NCOA2: variants seen among roughly 807,000 people sequenced by gnomAD.
The protein encoded by NCOA2 is class E basic helix-loop-helix protein 75.
Under a neutral mutation model 145.1 loss-of-function variants are expected in NCOA2, and 21 were observed. The ratio of observed to expected loss-of-function variants is 0.14; its 90% CI spans 0.10 to 0.21. The LOEUF (loss-of-function observed/expected upper bound fraction) is 0.21, where lower values mean the gene tolerates loss of function less well. Ranked by LOEUF, NCOA2 falls within the 10% of genes least tolerant of loss-of-function variation. NCOA2 has a pLI of 1.00. For synonymous variants in NCOA2, 619 were observed against 637.5 expected, an observed-to-expected ratio of 0.97 and a Z score of 0.44; for missense variants, 1,472 against 1,837.6, an observed-to-expected ratio of 0.80 and a Z score of 3.64.
intron 1 of NCOA2, among the ~76,000 whole-genome samples, chr8:70,335,357 C>G (rs1807495772): frequency 1.3e-5 from 2 of 151,664 alleles, no homozygotes; most frequent in South Asian, 4.2e-4. Context: ...GCTGGTTTGT[C>G]TTTTTGTCTT....
chr8:70,423,772 G>A, the NCOA2 span, among the ~76,000 whole-genome samples: 1 of 152,110 alleles, frequency 6.6e-6, no homozygotes, highest in African/African-American at 2.4e-5. Context: ...ACAAAAGTGG[G>A]GTACCAGGGT....
chr8:70,156,647 G>C lies in NCOA2; in HGVS notation c.1718C>G (p.Pro573Arg), dbSNP rs777620838. Residue 573 changes from proline (P) to arginine (R), a missense_variant, in exon 11 of 23, where the codon CCA becomes CGA. Transcript: ENST00000452400. ...GTCCAAGCTTCCCATCTTGCTGAGT[G>C]GGGGAGGATTCATATTAACTGGGGA... The part of the protein sequence containing the change: ...QNSPVNMNPP[P>R]LSKMGSLDSK... The C allele has an allele frequency of 9.9e-6, 16 of 1,613,832 alleles. No individual in the cohort carries two copies. The highest frequency in any genetic ancestry group is 1.4e-5 in the Non-Finnish European group (16 of 1,179,898).
chr8:70,451,957 GTGT>G, the NCOA2 span, among the ~76,000 whole-genome samples: 1 of 151,196 alleles, frequency 6.6e-6, no homozygotes, highest in Non-Finnish European at 1.5e-5. Context: ...GGCATTTAAG[GTGT>G]TTGTTTGTTT....
chr8:70,390,096 C>T (rs990422838), intron 1 of NCOA2, among the ~76,000 whole-genome samples: 1 of 152,190 alleles, frequency 6.6e-6, no homozygotes, highest in African/African-American at 2.4e-5. Flanking sequence ...ACTTTTCTTT[C>T]CATTCTTTTT....
the NCOA2 span, among the ~76,000 whole-genome samples, chr8:70,450,268 T>C: frequency 6.6e-6 from 1 of 152,154 alleles, no homozygotes; most frequent in South Asian, 2.1e-4. Flanking sequence ...TATCAGAAGG[T>C]GGGGCATGTG....
chr8:70,402,953 C>A (rs1337891186), intron 1 of NCOA2, among the ~76,000 whole-genome samples: 1 of 144,814 alleles, frequency 6.9e-6, no homozygotes, highest in Non-Finnish European at 1.5e-5. Flanking sequence ...AGCTCCTTCC[C>A]GTCCGCCCGC....
In NCOA2 at chr8:70,174,744, A is replaced by C; in HGVS notation, c.363+12T>G. On this transcript the variant is annotated intron_variant, in intron 5 of 22. Coordinates refer to ENST00000452400, the MANE Select transcript of NCOA2 (RefSeq NM_006540.4). ...GATTTTAAAATACAGCACTAAAATG[A>C]AGATGTGCTACCTCAAGCATCATAG... The C allele has an allele frequency of 6.2e-7, 1 of 1,603,814 alleles. No individual in the cohort carries two copies. The highest frequency in any genetic ancestry group is 1.1e-5 in the South Asian group (1 of 90,890).
intron 4 of NCOA2, among the ~76,000 whole-genome samples, chr8:70,179,172 A>AT (rs1242926831): frequency 6.6e-6 from 1 of 152,160 alleles, no homozygotes; most frequent in Non-Finnish European, 1.5e-5. Flanking sequence ...AAACATATGT[A>AT]TTTTCTAGCT....
chr8:70,278,349 T>C (rs528902510), intron 2 of NCOA2, among the ~76,000 whole-genome samples: 1 of 152,334 alleles, frequency 6.6e-6, no homozygotes, highest in East Asian at 1.9e-4. Context: ...GGGACTATTA[T>C]GACTAATGCT....
intron 21 of NCOA2, among the ~76,000 whole-genome samples, chr8:70,122,245 A>C (rs1807905767): frequency 1.3e-5 from 2 of 152,112 alleles, no homozygotes; most frequent in Non-Finnish European, 1.5e-5. Context: ...ATATCTCTCT[A>C]TAAACACACG....
At chr8:70,403,288 G>C (rs1278025608) in intron 1 of NCOA2, among the ~76,000 whole-genome samples, 2 of 151,066 alleles carry the variant, frequency 1.3e-5, no homozygotes, top group African/African-American at 4.8e-5. Context: ...CTCGCTCCTC[G>C]GGGCGGGGGC....
intron 2 of NCOA2, among the ~76,000 whole-genome samples, chr8:70,241,013 C>T (rs897809701): frequency 1.3e-5 from 2 of 152,116 alleles, no homozygotes; most frequent in Non-Finnish European, 2.9e-5. Context: ...GGAAGGTGGA[C>T]TTCTAATTGC....
intron 4 of NCOA2, among the ~76,000 whole-genome samples, chr8:70,205,086 T>C (rs1175468266): frequency 1.3e-5 from 2 of 151,610 alleles, no homozygotes; most frequent in Non-Finnish European, 1.5e-5. Flanking sequence ...ATTCAGTGGG[T>C]GAAGAGAAAG....
intron 1 of NCOA2, among the ~76,000 whole-genome samples, chr8:70,343,480 T>G (rs1563785967): frequency 6.6e-6 from 1 of 151,898 alleles, no homozygotes; most frequent in Non-Finnish European, 1.5e-5. Flanking sequence ...AAGGATCTAG[T>G]ATCACTTGAA....
chr8:70,210,265 C>T, intron 4 of NCOA2, among the ~76,000 whole-genome samples: 1 of 152,206 alleles, frequency 6.6e-6, no homozygotes, highest in East Asian at 1.9e-4. Context: ...AACTGCCTGA[C>T]ACACAGTAAG....
chr8:70,299,861 A>T (rs1827364608), intron 1 of NCOA2, among the ~76,000 whole-genome samples: 1 of 152,236 alleles, frequency 6.6e-6, no homozygotes, highest in Non-Finnish European at 1.5e-5. Context: ...ATTGTCCACA[A>T]TAGCCAAAAA....
chr8:70,343,894 A>G (rs187832913), intron 1 of NCOA2, among the ~76,000 whole-genome samples: 267 of 152,282 alleles, frequency 1.8e-3, no homozygotes, highest in African/African-American at 6.2e-3. Context: ...TGTGTTTCAA[A>G]AATCCATTTT....
intron 11 of NCOA2, among the ~76,000 whole-genome samples, chr8:70,152,612 A>G (rs577070885): frequency 6.6e-6 from 1 of 152,340 alleles, no homozygotes; most frequent in South Asian, 2.1e-4. Flanking sequence ...TTAAGTATCA[A>G]CCATGTTCCA....
chr8:70,149,786 G>A (rs1330522795), intron 11 of NCOA2, among the ~76,000 whole-genome samples: 1 of 152,164 alleles, frequency 6.6e-6, no homozygotes, highest in Non-Finnish European at 1.5e-5. Context: ...TAGTACGAAC[G>A]ATTTTCTTGA....
Sources: allele counts gnomAD v4.1 joint callset (sites outside exome capture counted in the v4.1 genomes callset), GRCh38; gene constraint gnomAD v4.1.1; transcripts MANE v1.5; gene names NCBI Gene and HGNC (gene_info 2026-07-23, HGNC 2026-07-21).